GBP7: variants seen among roughly 807,000 people sequenced by gnomAD.
GBP7 encodes guanylate binding protein 7.
Under a neutral mutation model 61.3 loss-of-function variants are expected in GBP7, and 43 were observed. That is an observed-to-expected ratio of 0.70 (90% CI 0.55 to 0.91). The LOEUF (loss-of-function observed/expected upper bound fraction) is 0.91, where lower values mean the gene tolerates loss of function less well. Ranked by LOEUF, GBP7 falls within the 40% of genes least tolerant of loss-of-function variation. GBP7 has a pLI of 0.00. For synonymous variants in GBP7, 267 were observed against 271.0 expected (o/e 0.99, Z 0.14); for missense variants, 717 against 740.5 (o/e 0.97, Z 0.37).
chr1:89,164,661 T>A, intron 3 of GBP7, 70 bp downstream of exon 3: 1 of 1,466,438 alleles, frequency 6.8e-7, no homozygotes, highest in South Asian at 1.2e-5. Flanking sequence ...AGAAGTTGGA[T>A]TGATACTATG....
intron 2 of GBP7, 44 bp downstream of exon 2, chr1:89,171,702 A>G (rs775633858): frequency 7.7e-6 from 12 of 1,564,382 alleles, no homozygotes; most frequent in Middle Eastern, 3.4e-4. Context: ...TGACTGTGTA[A>G]CTGGACAGAT....
intron 2 of GBP7, among the ~76,000 whole-genome samples, chr1:89,168,452 C>T (rs1020012727): frequency 2.6e-5 from 4 of 152,012 alleles, no homozygotes; most frequent in East Asian, 1.9e-4. Context: ...AAATATTTTC[C>T]ACCCATGCTG....
At chr1:89,142,858 AT>A (rs1439044697) in intron 8 of GBP7, among the ~76,000 whole-genome samples, 1 of 152,022 alleles carries the variant, frequency 6.6e-6, no homozygotes, top group East Asian at 1.9e-4. Flanking sequence ...AGACTGGGTA[AT>A]TTTTTTTCTT....
intron 3 of GBP7, among the ~76,000 whole-genome samples, chr1:89,161,763 G>A (rs1387586737): frequency 6.6e-6 from 1 of 152,040 alleles, no homozygotes; most frequent in Non-Finnish European, 1.5e-5. Context: ...CTGTGCAGAA[G>A]CTCTTTAGTT....
chr1:89,136,625 A>G (rs1327124162), intron 9 of GBP7, among the ~76,000 whole-genome samples: 2 of 152,196 alleles, frequency 1.3e-5, no homozygotes, highest in African/African-American at 4.8e-5. Context: ...CAAAGATACA[A>G]CCTACCAGAA....
At position 89,134,000 on chromosome 1, in the gene GBP7, T is replaced by G. The variant is rs376115881; in HGVS notation, c.1469-549A>C. The stretch of plus-strand genomic sequence containing the variant: ...GTCGACTATTGGTCCTGGATAGAAC[T>G]GGGCTATCTTGCCTGTGGGACAGAT... On this transcript the variant is annotated intron_variant, in intron 9 of 10. Transcript: ENST00000294671. Among the ~76,000 whole-genome samples, 56 of 152,346 alleles carry G rather than the reference T, an allele frequency of 3.7e-4. 6 individuals are homozygous for G. The highest frequency in any genetic ancestry group is 9.1e-4 in the Admixed American group (14 of 15,306).
intron 9 of GBP7, among the ~76,000 whole-genome samples, chr1:89,140,612 A>T (rs1351933037): frequency 6.6e-6 from 1 of 152,240 alleles, no homozygotes; most frequent in African/African-American, 2.4e-5. Flanking sequence ...CTTGTAAATT[A>T]GTTCAGCCAC....
chr1:89,144,730 T>TTG (rs984891239), intron 8 of GBP7, among the ~76,000 whole-genome samples: 27 of 152,044 alleles, frequency 1.8e-4, no homozygotes, highest in Non-Finnish European at 3.5e-4. Context: ...TATCTTTTTT[T>TTG]TGTGTGTGTG....
chr1:89,149,712 C>G, intron 6 of GBP7, 140 bp from the exon 7 acceptor site: 1 of 629,756 alleles, frequency 1.6e-6, no homozygotes, highest in Non-Finnish European at 2.7e-6. Context: ...TTCAATTCTA[C>G]TATTACTACT....
intron 9 of GBP7, among the ~76,000 whole-genome samples, chr1:89,136,527 A>C (rs1162016145): frequency 6.6e-6 from 1 of 152,230 alleles, no homozygotes; most frequent in African/African-American, 2.4e-5. Context: ...CTATACAATT[A>C]CATGAAAATT....
Position 89,133,242 on chromosome 1 carries a change from C to G in GBP7, c.1662+16G>C, listed in dbSNP as rs1053657364. ...GCATTGTGCCTCAAGCACTGCCAAG[C>G]TTCATCCAGACTCACCTTCATCTTG... is the stretch of plus-strand genomic sequence containing the variant. On this transcript the variant is annotated intron_variant, in intron 10 of 10. Transcript: ENST00000294671. 1 of 1,608,232 alleles carries G rather than the reference C, an allele frequency of 6.2e-7. No homozygotes were observed. The highest frequency in any genetic ancestry group is 1.7e-5 in the Admixed American group (1 of 59,846).
intron 3 of GBP7, among the ~76,000 whole-genome samples, chr1:89,153,226 C>T (rs917426591): frequency 1.2e-4 from 19 of 152,136 alleles, no homozygotes; most frequent in African/African-American, 4.6e-4. Flanking sequence ...TTAAGAGTCT[C>T]CTTTTGATTC....
rs775065710 is a variant in GBP7, at chr1:89,151,734, T to C, written c.625+534A>G. On this transcript the variant is annotated intron_variant, in intron 5 of 10. Transcript: ENST00000294671. ...ATTTGACAGTCCTACTGGAAGCATA[T>C]GTCTGTGTATTTTTTTTTTAATTTC... Among the ~76,000 whole-genome samples, 19 of 151,978 alleles carry C rather than the reference T, an allele frequency of 1.3e-4. 1 individual carries two copies. Among genetic ancestry groups the C allele is most frequent in the Admixed American group, 5.2e-4 (8 of 15,256 alleles).
At chr1:89,174,490 G>A (rs183229363) in intron 1 of GBP7, among the ~76,000 whole-genome samples, 10 of 152,290 alleles carry the variant, frequency 6.6e-5, no homozygotes, top group African/African-American at 2.2e-4. Flanking sequence ...TCTTTGGACT[G>A]AGCAAAGCTG....
intron 9 of GBP7, 117 bp downstream of exon 9, chr1:89,141,429 C>T: frequency 1.3e-6 from 1 of 769,224 alleles, no homozygotes; most frequent in Admixed American, 2.3e-5. Flanking sequence ...TTTAGCAGAG[C>T]ATGTGTTCCC....
At chr1:89,132,477 A>G (rs906198092) in intron 10 of GBP7, 74 bp from the exon 11 acceptor site, 1 of 1,119,928 alleles carries the variant, frequency 8.9e-7, no homozygotes, top group African/African-American at 1.6e-5. Context: ...TAACAATTTC[A>G]TTAGTTAAAC....
At chr1:89,162,497 C>G (rs1199993735) in intron 3 of GBP7, among the ~76,000 whole-genome samples, 2 of 152,154 alleles carry the variant, frequency 1.3e-5, no homozygotes, top group Non-Finnish European at 2.9e-5. Context: ...TTTTACCTCC[C>G]TAGTTAGCTG....
intron 3 of GBP7, among the ~76,000 whole-genome samples, chr1:89,159,352 T>C (rs963706667): frequency 6.6e-6 from 1 of 151,992 alleles, no homozygotes; most frequent in Non-Finnish European, 1.5e-5. Context: ...AAAGCCAAAA[T>C]AGACAAATGG....
At chr1:89,146,079 G>A (rs1437760759) in intron 8 of GBP7, among the ~76,000 whole-genome samples, 1 of 152,162 alleles carries the variant, frequency 6.6e-6, no homozygotes, top group Non-Finnish European at 1.5e-5. Flanking sequence ...AAGGTATCAA[G>A]TAGTGTAATG....
Sources: gnomAD v4.1 joint callset for allele counts (sites outside exome capture counted in the v4.1 genomes callset) on GRCh38, gnomAD v4.1.1 for gene constraint, MANE v1.5 for transcripts, NCBI Gene and HGNC (gene_info 2026-07-23, HGNC 2026-07-21) for gene names.